VAV3: variants seen among roughly 807,000 people sequenced by gnomAD.
VAV3 encodes vav guanine nucleotide exchange factor 3, also known as guanine nucleotide exchange factor VAV3.
VAV3 carries 94 observed loss-of-function variants against 131.2 expected under a neutral mutation model. The ratio of observed to expected loss-of-function variants is 0.72; its 90% CI spans 0.61 to 0.85. The LOEUF is 0.85. Ranked by LOEUF, VAV3 falls within the 40% of genes least tolerant of loss-of-function variation. The probability of loss-of-function intolerance (pLI) is 0.00; values close to 1 mark genes in which losing one functional copy is unlikely to be tolerated. For missense variants in VAV3, 939 were observed against 1,002.7 expected, an observed-to-expected ratio of 0.94 and a Z score of 0.86; for synonymous variants, 349 against 342.0, an observed-to-expected ratio of 1.02 and a Z score of -0.22.
intron 19 of VAV3, among the ~76,000 whole-genome samples, chr1:107,657,818 G>A (rs1055534173): frequency 8.5e-5 from 13 of 152,120 alleles, no homozygotes; most frequent in Non-Finnish European, 1.6e-4. Context: ...TTGTTATTCA[G>A]TTGCATTTTC....
intron 15 of VAV3, among the ~76,000 whole-genome samples, chr1:107,719,685 T>C (rs1411653692): frequency 6.6e-6 from 1 of 152,202 alleles, no homozygotes; most frequent in Non-Finnish European, 1.5e-5. Flanking sequence ...GAAATACCAT[T>C]TGACCCAGCA....
chr1:107,700,649 G>A lies in VAV3; in HGVS notation c.1705+3901C>T, dbSNP rs539306692. On this transcript the variant is annotated intron_variant, in intron 17 of 26. Transcript: ENST00000370056. ...ACATGATCTCATTCCTCTTTATGTC[G>A]GCATGGTATTCTATGATATATGTAC... Among the ~76,000 whole-genome samples, 86 of 152,168 alleles carry A rather than the reference G, an allele frequency of 5.7e-4. 1 individual carries two copies. The highest frequency in any genetic ancestry group is 1.9e-3 in the African/African-American group (80 of 41,522).
chr1:107,903,100 GA>G (rs746032618), intron 1 of VAV3, among the ~76,000 whole-genome samples: 2 of 151,938 alleles, frequency 1.3e-5, no homozygotes, highest in Non-Finnish European at 1.5e-5. Flanking sequence ...AAAAAGAAAA[GA>G]AAAAAATCGA....
At chr1:107,636,700 T>A (rs1175852980) in intron 20 of VAV3, among the ~76,000 whole-genome samples, 1 of 152,348 alleles carries the variant, frequency 6.6e-6, no homozygotes, top group East Asian at 1.9e-4. Flanking sequence ...TAGTTTCTAC[T>A]GCATGTGTAT....
chr1:107,632,714 G>T (rs1654595851), intron 20 of VAV3, among the ~76,000 whole-genome samples: 1 of 152,234 alleles, frequency 6.6e-6, no homozygotes, highest in African/African-American at 2.4e-5. Flanking sequence ...GATAGGAACT[G>T]ATAATTGAAG....
intron 2 of VAV3, among the ~76,000 whole-genome samples, chr1:107,791,642 G>C (rs1193316657): frequency 6.6e-6 from 1 of 152,100 alleles, no homozygotes; most frequent in Non-Finnish European, 1.5e-5. Context: ...GTCTGTGATG[G>C]GGCCTTAGCA....
intron 15 of VAV3, among the ~76,000 whole-genome samples, chr1:107,719,616 G>C (rs1265339730): frequency 6.6e-6 from 1 of 152,188 alleles, no homozygotes; most frequent in Non-Finnish European, 1.5e-5. Context: ...TGGTGGAACT[G>C]TAAACTACTT....
chr1:107,832,723 T>C (rs1035029730), intron 2 of VAV3, among the ~76,000 whole-genome samples: 4 of 152,208 alleles, frequency 2.6e-5, no homozygotes, highest in Non-Finnish European at 5.9e-5. Context: ...TTCCAAAGTG[T>C]TGATGCTTCA....
chr1:107,941,225 T>C (rs951986875), intron 1 of VAV3, among the ~76,000 whole-genome samples: 3 of 152,184 alleles, frequency 2.0e-5, no homozygotes, highest in Non-Finnish European at 2.9e-5. Flanking sequence ...CATTCTAAAT[T>C]TCCTATCTTC....
chr1:107,923,743 T>A (rs995052623), intron 1 of VAV3, among the ~76,000 whole-genome samples: 5 of 152,166 alleles, frequency 3.3e-5, no homozygotes, highest in African/African-American at 1.2e-4. Flanking sequence ...CTGCCCCATG[T>A]TCCAATCACT....
In VAV3 at chr1:107,642,675, G is replaced by C. The variant is rs572339667; in HGVS notation, c.1858C>G (p.Gln620Glu). Residue 620 changes from glutamine (Q) to glutamate (E), a missense_variant, in exon 20 of 27, where the codon CAG (glutamine) becomes GAG (glutamate). Transcript: ENST00000370056. The stretch of plus-strand genomic sequence containing the variant: ...AGAAGTTCAACGGTATCCCCGGCCT[G>C]GAGCTGTAAAGGGGGTCCTTCATGC... ...ALHEGPPLQL[Q>E]AGDTVELLKG... is the part of the protein sequence containing the mutation. The C allele has an allele frequency of 6.2e-7, 1 of 1,613,388 alleles. No individual in the cohort carries two copies. The highest frequency in any genetic ancestry group is 2.2e-5 in the East Asian group (1 of 44,822).
At chr1:107,840,872 A>G (rs76921795) in intron 2 of VAV3, among the ~76,000 whole-genome samples, 8,162 of 152,142 alleles carry the variant, frequency 0.054, 421 homozygotes, top group African/African-American at 0.14. Context: ...AAACCACTGG[A>G]AGGAAGTGAA....
intron 2 of VAV3, among the ~76,000 whole-genome samples, chr1:107,780,552 G>T (rs971990258): frequency 2.8e-4 from 42 of 152,132 alleles, no homozygotes; most frequent in Non-Finnish European, 1.5e-5. Context: ...GTCTCACTCT[G>T]TTGTGCAGGC....
intron 1 of VAV3, among the ~76,000 whole-genome samples, chr1:107,959,630 C>A (rs148276832): frequency 1.3e-5 from 2 of 152,148 alleles, no homozygotes; most frequent in South Asian, 2.1e-4. Context: ...TCTCTGCCCT[C>A]GAGAACAGGC....
Position 107,753,527 on chromosome 1 carries a change from C to CAT in VAV3, c.1173+1899_1173+1900insAT, listed in dbSNP as rs752202122. On this transcript the variant is annotated intron_variant, in intron 12 of 26. Transcript: ENST00000370056. ...ATATATACACACATATATATATATA[C>CAT]GTATATATATATATATATATATACA... Among the ~76,000 whole-genome samples the CAT allele has an allele frequency of 4.7e-3, 449 of 94,640 alleles. 8 individuals carry two copies. The highest frequency in any genetic ancestry group is 0.017 in the African/African-American group (412 of 24,626). The allele number at this position is 94,640 out of a possible 152,430, so 62.1% of individuals were successfully genotyped here.
At chr1:107,706,699 T>C (rs1323827455) in intron 15 of VAV3, among the ~76,000 whole-genome samples, 1 of 152,152 alleles carries the variant, frequency 6.6e-6, no homozygotes, top group Non-Finnish European at 1.5e-5. Flanking sequence ...CATCAAAACC[T>C]GTTTCCTTAG....
chr1:107,706,687 T>G (rs1414458273), intron 15 of VAV3, among the ~76,000 whole-genome samples: 1 of 152,142 alleles, frequency 6.6e-6, no homozygotes, highest in East Asian at 1.9e-4. Flanking sequence ...CATTGAAAAC[T>G]CCATCAAAAC....
rs115680814 is a variant in VAV3, at chr1:107,872,492, C to T, written c.321+2409G>A. ...GGAATGGAGGAAAACAACCTATCCA[C>T]ATCCTGTTAAAATGTATATATTCAC... On this transcript the variant is annotated intron_variant, in intron 2 of 26. Transcript: ENST00000370056. 6.3e-3 allele frequency among the ~76,000 whole-genome samples: 965 copies of T among 152,272 alleles called. 14 individuals carry two copies. The highest frequency in any genetic ancestry group is 0.022 in the African/African-American group (902 of 41,562).
intron 20 of VAV3, among the ~76,000 whole-genome samples, chr1:107,618,835 A>G (rs997827428): frequency 1.3e-5 from 2 of 152,218 alleles, no homozygotes; most frequent in Non-Finnish European, 2.9e-5. Flanking sequence ...ACTTAAATAT[A>G]AAAAGTAGTT....
Sources: allele counts gnomAD v4.1 joint callset (sites outside exome capture counted in the v4.1 genomes callset), GRCh38; gene constraint gnomAD v4.1.1; transcripts MANE v1.5; gene names NCBI Gene and HGNC (gene_info 2026-07-23, HGNC 2026-07-21).